The following TSPAN32 variants were observed in gnomAD, a reference collection of about 807,000 sequenced individuals.
TSPAN32 encodes tetraspanin 32.
TSPAN32 carries 47 observed loss-of-function variants against 42.7 expected under a neutral mutation model. The ratio of observed to expected loss-of-function variants is 1.10; its 90% CI spans 0.87 to 1.40. TSPAN32 has a LOEUF of 1.40. Ranked by LOEUF, TSPAN32 falls within the 40% of genes most tolerant of loss-of-function variation. The probability of loss-of-function intolerance (pLI) is 0.00; values close to 1 mark genes in which losing one functional copy is unlikely to be tolerated. For synonymous variants in TSPAN32, 175 were observed against 175.9 expected, an observed-to-expected ratio of 0.99 and a Z score of 0.04; for missense variants, 469 against 424.1, an observed-to-expected ratio of 1.11 and a Z score of -0.93.
rs1430004538 is a variant in TSPAN32 at position 2,304,365 on chromosome 11, C to T, written c.279+161C>T. The stretch of plus-strand genomic sequence containing the variant: ...CGAGACCCCCACGTCAACCCCACAC[C>T]TGAGTATCTAGGCAGAAACAGAGGC... On this transcript the variant is annotated intron_variant, in intron 3 of 9. Coordinates refer to ENST00000182290, the MANE Select transcript of TSPAN32 (RefSeq NM_139022.3). The surrounding 1 kb of genome is among the most constrained non-coding windows in gnomAD (Gnocchi z 4.8). Among the ~76,000 whole-genome samples, 17 of 151,998 alleles carry T rather than the reference C, an allele frequency of 1.1e-4. No homozygotes were observed. Among genetic ancestry groups the T allele is most frequent in the Admixed American group, 7.2e-4 (11 of 15,256 alleles).
At position 2,302,039 on chromosome 11, in the gene TSPAN32, G is replaced by A. The variant is rs1847780662; in HGVS notation, c.-111G>A. ...GGGCGATGTTGACAGACAGACAGAG[G>A]GGCGGATGCAGCCTACCTCCTGGGC... On this transcript the variant is annotated 5_prime_UTR_variant, in exon 1 of 10. Coordinates refer to ENST00000182290, the MANE Select transcript of TSPAN32 (RefSeq NM_139022.3). 6.7e-7 allele frequency: 1 copy of A among 1,494,564 alleles called. No individual in the cohort carries two copies. Among genetic ancestry groups the A allele is most frequent in the African/African-American group, 1.4e-5 (1 of 71,344 alleles). The allele number at this position is 1,494,564 out of a possible 1,614,324, so 92.6% of individuals were successfully genotyped here.
intron 6 of TSPAN32, 176 bp from the exon 7 acceptor site, chr11:2,316,053 C>T: frequency 6.5e-7 from 1 of 1,534,204 alleles, no homozygotes; most frequent in Non-Finnish European, 8.7e-7. Flanking sequence ...GCTTCACCTG[C>T]TCGTGCTGCC....
chr11:2,303,035 C>A, intron 2 of TSPAN32, 77 bp downstream of exon 2: 2 of 1,340,388 alleles, frequency 1.5e-6, no homozygotes, highest in Non-Finnish European at 2.1e-6. Flanking sequence ...CAGCTGGACG[C>A]CTCACAGCCA....
chr11:2,305,213 G>A (rs1485332118), intron 3 of TSPAN32, among the ~76,000 whole-genome samples: 2 of 152,242 alleles, frequency 1.3e-5, no homozygotes, highest in African/African-American at 4.8e-5. Flanking sequence ...CCCTGGGTGG[G>A]CCCATGGTGG....
chr11:2,306,144 A>C (rs536668165), intron 3 of TSPAN32, among the ~76,000 whole-genome samples: 1 of 151,894 alleles, frequency 6.6e-6, no homozygotes, highest in East Asian at 1.9e-4. Flanking sequence ...CATCTGGCAC[A>C]TCTGTATGTG....
chr11:2,317,403 C>A lies in TSPAN32; in HGVS notation c.779C>A (p.Thr260Lys). The change falls in exon 9 of 10, where the codon ACA (threonine) becomes AAA (lysine). Residue 260 changes from threonine (T) to lysine (K), a missense_variant. Thr to Lys is a moderately conservative substitution (Grantham distance 78, BLOSUM62 -1). Transcript: ENST00000182290. This position sits in a 1 kb window ranked among gnomAD's most constrained non-coding sequence, Gnocchi z 6.2. ...TTGAGATGCTCCCAGGGTGGACCCA[C>A]ACATTGTCTCCACTCCGAAGCAGTT... ...SLLRCSQGGP[T>K]HCLHSEAVAI... The A allele has an allele frequency of 6.2e-7, 1 of 1,601,004 alleles. No individual in the cohort carries two copies. The highest frequency in any genetic ancestry group is 8.5e-7 in the Non-Finnish European group (1 of 1,173,800).
chr11:2,317,795 T>C lies in TSPAN32; in HGVS notation c.902-68T>C. 1.3e-6 allele frequency: 2 copies of C among 1,592,958 alleles called. No homozygotes were observed. Among genetic ancestry groups the C allele is most frequent in the Admixed American group, 1.8e-5 (1 of 56,292 alleles). ...CCACCCAGACACAAGCTGCACTGGT[T>C]TTCTATGCTGCGTAAGAAGCAGCAT... is the stretch of plus-strand genomic sequence containing the variant. On this transcript the variant is annotated intron_variant, in intron 9 of 9. Coordinates refer to ENST00000182290, the MANE Select transcript of TSPAN32 (RefSeq NM_139022.3). The surrounding 1 kb of genome is among the most constrained non-coding windows in gnomAD (Gnocchi z 6.2).
rs570242119 is a variant in TSPAN32, at chr11:2,315,105, C to T, written c.543+534C>T. On this transcript the variant is annotated intron_variant, in intron 6 of 9. Transcript: ENST00000182290. ...CCGAGGCCAGGAAGCCTTTCCTCCC[C>T]AGGGCCCTGGGAGAGACTGGGCCCT... 4.1e-4 allele frequency: 198 copies of T among 483,054 alleles called. 4 individuals are homozygous for T. In the South Asian group the frequency reaches 4.9e-3, roughly 12 times the overall value. The allele number at this position is 483,054 out of a possible 1,614,324, so 29.9% of individuals were successfully genotyped here.
chr11:2,305,569 C>T (rs895094255), intron 3 of TSPAN32, among the ~76,000 whole-genome samples: 10 of 152,340 alleles, frequency 6.6e-5, no homozygotes, highest in South Asian at 2.1e-4. Context: ...CGCTGGGCCA[C>T]GGGGCTCCTG....
intron 4 of TSPAN32, among the ~76,000 whole-genome samples, chr11:2,312,434 G>C (rs564127323): frequency 6.6e-6 from 1 of 152,364 alleles, no homozygotes; most frequent in African/African-American, 2.4e-5. Flanking sequence ...CCTGGGCACT[G>C]CGGGGAGGAC....
chr11:2,315,085 G>A (rs1848702021), intron 6 of TSPAN32: 2 of 374,430 alleles, frequency 5.3e-6, no homozygotes, highest in South Asian at 5.4e-5. Flanking sequence ...GGGGCCCGAG[G>A]CCAGGAAGCC....
intron 4 of TSPAN32, 127 bp downstream of exon 4, chr11:2,308,937 G>C (rs1252894093): frequency 2.4e-5 from 16 of 672,426 alleles, no homozygotes; most frequent in Non-Finnish European, 3.8e-5. Context: ...CGGGTGGGGT[G>C]GGGGAGACCG....
chr11:2,306,848 AGG>A (rs1564957447), intron 3 of TSPAN32: 1 of 42,210 alleles, frequency 2.4e-5, no homozygotes, highest in Non-Finnish European at 4.2e-5. Flanking sequence ...AGGGAGAGGG[AGG>A]GGGAGGGGGG....
chr11:2,303,059 C>G (rs1426307227), intron 2 of TSPAN32, 101 bp downstream of exon 2: 19 of 1,124,772 alleles, frequency 1.7e-5, no homozygotes, highest in Non-Finnish European at 1.9e-5. Context: ...TGGTGCCAGG[C>G]CCTAGGCAGG....
chr11:2,309,457 A>G, intron 4 of TSPAN32: 1 of 435,774 alleles, frequency 2.3e-6, no homozygotes, highest in Non-Finnish European at 4.8e-6. Flanking sequence ...CCCAGCAGAG[A>G]ATGAGAGCTC....
chr11:2,305,555 C>T (rs1355506662), intron 3 of TSPAN32, among the ~76,000 whole-genome samples: 1 of 152,216 alleles, frequency 6.6e-6, no homozygotes, highest in African/African-American at 2.4e-5. Context: ...ATGCAGAAGC[C>T]AGCCGCTGGG....
intron 3 of TSPAN32, among the ~76,000 whole-genome samples, chr11:2,306,634 G>A (rs2133305803): frequency 6.6e-6 from 1 of 151,522 alleles, no homozygotes; most frequent in Admixed American, 6.6e-5. Flanking sequence ...GGAAAATGCT[G>A]GTCTCCTGAG....
chr11:2,303,194 C>T, intron 2 of TSPAN32: 1 of 549,360 alleles, frequency 1.8e-6, no homozygotes. Flanking sequence ...AGCGTGGGCA[C>T]AGTGTGGGTA....
intron 2 of TSPAN32, chr11:2,303,260 G>C (rs1279229680): frequency 3.4e-6 from 1 of 295,200 alleles, no homozygotes; most frequent in African/African-American, 2.2e-5. Context: ...GCTCTGTGCA[G>C]TCAGGGCTCA....
Sources: gnomAD v4.1 joint callset for allele counts (sites outside exome capture counted in the v4.1 genomes callset) on GRCh38, gnomAD v4.1.1 for gene constraint, Gnocchi (gnomAD v3.1) non-coding constraint, MANE v1.5 for transcripts, NCBI Gene and HGNC (gene_info 2026-07-23, HGNC 2026-07-21) for gene names.